The following TANC2 variants were observed in gnomAD, a reference collection of about 807,000 sequenced individuals.
TANC2 encodes tetratricopeptide repeat, ankyrin repeat and coiled-coil containing 2.
TANC2 carries 26 observed loss-of-function variants against 210.5 expected under a neutral mutation model. The observed-to-expected ratio is 0.12, with a 90% confidence interval of 0.09 to 0.17. The LOEUF is 0.17. Ranked by LOEUF, TANC2 falls within the 10% of genes least tolerant of loss-of-function variation. The pLI is 1.00. For synonymous variants in TANC2, 931 were observed against 967.1 expected (o/e 0.96, Z 0.69); for missense variants, 2,129 against 2,608.9 (o/e 0.82, Z 4.01).
chr17:63,022,611 G>A (rs9893374), intron 2 of TANC2, among the ~76,000 whole-genome samples: 1,742 of 152,302 alleles, frequency 0.011, 33 homozygotes, highest in African/African-American at 0.04. Flanking sequence ...AGATTAGCAT[G>A]AATAAGGAGC....
intron 7 of TANC2, among the ~76,000 whole-genome samples, chr17:63,224,378 A>G (rs2042275413): frequency 6.6e-6 from 1 of 151,798 alleles, no homozygotes; most frequent in African/African-American, 2.4e-5. Context: ...CCGTCTCCCA[A>G]GTAGCTGGAA....
At chr17:62,975,107 G>A (rs933314588) in intron 1 of TANC2, among the ~76,000 whole-genome samples, 1 of 152,168 alleles carries the variant, frequency 6.6e-6, no homozygotes, top group African/African-American at 2.4e-5. Flanking sequence ...ATTGAACTTG[G>A]AAACGAGAGT....
chr17:63,116,953 T>G (rs972441548), intron 4 of TANC2: 1 of 152,226 alleles, frequency 6.6e-6, no homozygotes, highest in African/African-American at 2.4e-5. Flanking sequence ...ACAGCGTATA[T>G]TCACACAGCT....
intron 11 of TANC2, among the ~76,000 whole-genome samples, chr17:63,328,631 A>T (rs1366067370): frequency 1.3e-5 from 2 of 148,596 alleles, no homozygotes; most frequent in African/African-American, 4.9e-5. Flanking sequence ...AGAGACTGGG[A>T]GTGTGAAGAA....
chr17:63,163,034 A>T (rs1348301305), intron 5 of TANC2, among the ~76,000 whole-genome samples: 1 of 151,782 alleles, frequency 6.6e-6, no homozygotes, highest in African/African-American at 2.4e-5. Context: ...TGAGAAGATT[A>T]AAGAGGATCA....
At chr17:63,034,874 G>C (rs2034910461) in intron 2 of TANC2, among the ~76,000 whole-genome samples, 1 of 152,176 alleles carries the variant, frequency 6.6e-6, no homozygotes, top group African/African-American at 2.4e-5. Context: ...TCTTGAGATG[G>C]AATCTGTGTC....
intron 5 of TANC2, among the ~76,000 whole-genome samples, chr17:63,180,266 T>A (rs533115154): frequency 6.6e-6 from 1 of 152,362 alleles, no homozygotes; most frequent in Admixed American, 6.5e-5. Flanking sequence ...TTGGAATATG[T>A]TTAACACTCA....
exon 14 of TANC2, chr17:63,355,162 C>T: frequency 6.2e-7 from 1 of 1,613,880 alleles, no homozygotes; most frequent in Non-Finnish European, 8.5e-7. Flanking sequence ...CTGAATGTGG[C>T]AGTGGCCTCT....
chr17:63,411,493 T>C lies in TANC2; in HGVS notation c.3590-18T>C. ...ATTCCATGTCTCCTCAGCCCTGTGC[T>C]ATCACTTGCCTTTGCAGGTGCCTCC... is the stretch of plus-strand genomic sequence containing the variant. On this transcript the variant is annotated intron_variant, in intron 21 of 27. Transcript: ENST00000689528. 1.2e-6 allele frequency: 2 copies of C among 1,600,466 alleles called. No individual in the cohort carries two copies. The highest frequency in any genetic ancestry group is 1.1e-5 in the South Asian group (1 of 87,964).
intron 9 of TANC2, among the ~76,000 whole-genome samples, chr17:63,300,273 T>A (rs1294473664): frequency 6.6e-6 from 1 of 152,206 alleles, no homozygotes. Context: ...CAGGCTCTTT[T>A]TCAGTTCCAT....
intron 7 of TANC2, 148 bp from the exon 8 acceptor site, chr17:63,237,666 T>C (rs2042657966): frequency 2.8e-6 from 2 of 707,084 alleles, no homozygotes; most frequent in East Asian, 2.8e-5. Flanking sequence ...TCCAGTTTCA[T>C]TCCCCTGCAT....
chr17:63,190,132 C>G (rs1471771362), intron 5 of TANC2, among the ~76,000 whole-genome samples: 2 of 152,028 alleles, frequency 1.3e-5, no homozygotes, highest in African/African-American at 4.8e-5. Context: ...CCCAGGAGTT[C>G]AAGACCAGCC....
At chr17:63,229,214 G>A (rs554473889) in intron 7 of TANC2, among the ~76,000 whole-genome samples, 1 of 152,194 alleles carries the variant, frequency 6.6e-6, no homozygotes, top group South Asian at 2.1e-4. Flanking sequence ...CCTTCTCTTT[G>A]TGTGATGAAT....
intron 1 of TANC2, among the ~76,000 whole-genome samples, chr17:62,976,825 C>T (rs1366266127): frequency 6.6e-6 from 1 of 152,158 alleles, no homozygotes; most frequent in East Asian, 1.9e-4. Flanking sequence ...GTTCCTCTTC[C>T]TTATTTGGAA....
intron 1 of TANC2, among the ~76,000 whole-genome samples, chr17:62,969,920 C>G (rs1049011668): frequency 2.0e-5 from 3 of 152,130 alleles, no homozygotes; most frequent in Admixed American, 6.5e-5. Flanking sequence ...CCTCTAATGT[C>G]AACAAATGTT....
intron 1 of TANC2, among the ~76,000 whole-genome samples, chr17:63,003,052 A>G (rs1568309099): frequency 6.6e-6 from 1 of 152,184 alleles, no homozygotes; most frequent in Non-Finnish European, 1.5e-5. Flanking sequence ...TTTTTCTCCA[A>G]AGCCATTGTA....
At chr17:63,285,897 C>A (rs1249632922) in intron 9 of TANC2, among the ~76,000 whole-genome samples, 2 of 152,100 alleles carry the variant, frequency 1.3e-5, no homozygotes, top group Non-Finnish European at 2.9e-5. Flanking sequence ...ATGAGCCGTT[C>A]TTACCAGTTC....
intron 1 of TANC2, among the ~76,000 whole-genome samples, chr17:62,972,685 ACTC>A (rs2031770713): frequency 6.6e-6 from 1 of 151,922 alleles, no homozygotes; most frequent in Non-Finnish European, 1.5e-5. Context: ...TAAAGTGGAA[ACTC>A]CTTAGCAAAC....
chr17:63,379,888 T>A, intron 15 of TANC2, 62 bp downstream of exon 15: 1 of 1,387,824 alleles, frequency 7.2e-7, no homozygotes, highest in Non-Finnish European at 1.0e-6. Context: ...ATGCTTTATG[T>A]AAGAGACTAT....
Sources: allele counts gnomAD v4.1 joint callset (sites outside exome capture counted in the v4.1 genomes callset), GRCh38; gene constraint gnomAD v4.1.1; transcripts MANE v1.5; gene names NCBI Gene and HGNC (gene_info 2026-07-23, HGNC 2026-07-21).